Variants in DKK2 observed in about 807,000 individuals in gnomAD.
DKK2 encodes dickkopf Wnt signaling pathway inhibitor 2.
A neutral mutation model predicts 28.1 loss-of-function variants in DKK2; 11 were observed. The observed-to-expected ratio is 0.39, with a 90% CI of 0.25 to 0.65. The LOEUF (loss-of-function observed/expected upper bound fraction) is 0.65. Among genes scored for constraint, DKK2 ranks in the 30% least tolerant of loss-of-function variants. The probability of loss-of-function intolerance (pLI) is 0.47; values close to 1 mark genes in which losing one functional copy is unlikely to be tolerated. For missense variants in DKK2, 326 were observed against 335.5 expected, an observed-to-expected ratio of 0.97 and a Z score of 0.22; for synonymous variants, 135 against 126.5, an observed-to-expected ratio of 1.07 and a Z score of -0.45.
intron 1 of DKK2, among the ~76,000 whole-genome samples, chr4:106,983,337 G>GAAAGAAAGA (rs1723059615): frequency 1.7e-5 from 2 of 120,432 alleles, no homozygotes; most frequent in East Asian, 2.9e-4. Flanking sequence ...AGGAAGAAAG[G>GAAAGAAAGA]AAGAAAGAAA....
At chr4:107,003,348 C>T (rs769388767) in intron 1 of DKK2, among the ~76,000 whole-genome samples, 4 of 152,210 alleles carry the variant, frequency 2.6e-5, no homozygotes, top group Non-Finnish European at 5.9e-5. Context: ...ACCAAGTTTC[C>T]TGTGGCTTTC....
intron 1 of DKK2, among the ~76,000 whole-genome samples, chr4:106,993,727 C>A (rs1242965061): frequency 6.6e-6 from 1 of 151,932 alleles, no homozygotes; most frequent in East Asian, 1.9e-4. Context: ...AGTTTTAATT[C>A]TTAGTTAAAA....
intron 1 of DKK2, among the ~76,000 whole-genome samples, chr4:106,970,278 A>G (rs938202602): frequency 6.6e-6 from 1 of 152,154 alleles, no homozygotes; most frequent in African/African-American, 2.4e-5. Context: ...ATAGATAAGC[A>G]CTGCAGAAAC....
chr4:106,957,071 C>T (rs1301949906), intron 1 of DKK2, among the ~76,000 whole-genome samples: 40 of 151,932 alleles, frequency 2.6e-4, no homozygotes, highest in Non-Finnish European at 5.6e-4. Flanking sequence ...AAACAAACAA[C>T]CCCATCAAAA....
At chr4:107,009,050 A>T (rs1224089676) in intron 1 of DKK2, among the ~76,000 whole-genome samples, 1 of 152,006 alleles carries the variant, frequency 6.6e-6, no homozygotes, top group Non-Finnish European at 1.5e-5. Flanking sequence ...ATGGAAACAA[A>T]CGTGAACATC....
At chr4:106,983,962 C>T (rs4364337) in intron 1 of DKK2, among the ~76,000 whole-genome samples, 7 of 151,970 alleles carry the variant, frequency 4.6e-5, no homozygotes, top group Non-Finnish European at 1.0e-4. Context: ...AGAGAGCCCT[C>T]GGGCTGGTGA....
rs541168976 is a variant in DKK2, at chr4:106,927,216, C to T, written c.223-1267G>A. On this transcript the variant is annotated intron_variant, in intron 1 of 3. Transcript: ENST00000285311. ...ATGAATTAGGTTTGATGGTATAGCT[C>T]GGCCTGCATTGCTCATGTCTTTTTT... Among the ~76,000 whole-genome samples, 30 of 152,122 alleles carry T rather than the reference C, an allele frequency of 2.0e-4. No homozygotes were observed. In the South Asian group the frequency reaches 3.9e-3, roughly 20 times the overall value.
rs1724351328 is a variant in DKK2 at position 106,922,049 on chromosome 4, T to C, written c.*1905A>G. Reference sequence around the variant, plus strand: ...AATATAATAATTGTTATATAGGAAATGTTTGATTGAAATGTTCCATTTTCA... The same window carrying C: ...AATATAATAATTGTTATATAGGAAACGTTTGATTGAAATGTTCCATTTTCA... On this transcript the variant is annotated 3_prime_UTR_variant, in exon 4 of 4. Transcript: ENST00000285311. 6.5e-6 allele frequency: 1 copy of C among 152,706 alleles called. No homozygotes were observed. Among genetic ancestry groups the C allele is most frequent in the African/African-American group, 2.4e-5 (1 of 41,586 alleles). 9.5% of individuals were successfully genotyped at this position (152,706 alleles called of 1,614,324 possible).
At chr4:106,951,527 T>C (rs902033236) in intron 1 of DKK2, among the ~76,000 whole-genome samples, 3 of 152,084 alleles carry the variant, frequency 2.0e-5, no homozygotes, top group Non-Finnish European at 2.9e-5. Context: ...AACCGTGTCA[T>C]TTGCAGTGGA....
intron 1 of DKK2, among the ~76,000 whole-genome samples, chr4:107,001,261 C>T (rs544181298): frequency 6.6e-6 from 1 of 152,218 alleles, no homozygotes; most frequent in East Asian, 1.9e-4. Flanking sequence ...GACCCTTCCC[C>T]AGAGCCTTCA....
Position 106,923,114 on chromosome 4 carries a change from T to C in DKK2, c.*840A>G, listed in dbSNP as rs1724372208. ...GTGAAAATTCTGCTCTGTGTAAGTA[T>C]TTTACTAGTCACAATTTATGGGTAT... On this transcript the variant is annotated 3_prime_UTR_variant, in exon 4 of 4. Transcript: ENST00000285311. 1 of 152,198 alleles carries C rather than the reference T, an allele frequency of 6.6e-6. No individual in the cohort carries two copies. Among genetic ancestry groups the C allele is most frequent in the Non-Finnish European group, 1.5e-5 (1 of 68,034 alleles). 9.4% of individuals were successfully genotyped at this position (152,198 alleles called of 1,614,324 possible). A position where few individuals can be genotyped will look rare whatever the true frequency, so the allele number is the denominator to read the frequency against.
intron 1 of DKK2, among the ~76,000 whole-genome samples, chr4:106,971,657 G>A (rs1464161331): frequency 6.6e-6 from 1 of 152,060 alleles, no homozygotes; most frequent in Non-Finnish European, 1.5e-5. Context: ...ATTTTATAGT[G>A]TTCTTTGATC....
chr4:106,959,967 GA>G (rs1263507221), intron 1 of DKK2, among the ~76,000 whole-genome samples: 1 of 151,800 alleles, frequency 6.6e-6, no homozygotes, highest in Non-Finnish European at 1.5e-5. Flanking sequence ...GTTATGCAAA[GA>G]AAGAAAAACT....
At chr4:106,993,321 T>C (rs1308195191) in intron 1 of DKK2, among the ~76,000 whole-genome samples, 3 of 152,246 alleles carry the variant, frequency 2.0e-5, no homozygotes, top group Non-Finnish European at 4.4e-5. Context: ...GCACATAGCC[T>C]CATGGCTGGT....
At chr4:106,941,334 T>C (rs891704524) in intron 1 of DKK2, among the ~76,000 whole-genome samples, 8 of 152,106 alleles carry the variant, frequency 5.3e-5, no homozygotes, top group African/African-American at 1.9e-4. Flanking sequence ...TGCAACAGGA[T>C]AAGGGACTTT....
intron 1 of DKK2, among the ~76,000 whole-genome samples, chr4:106,944,124 T>C (rs948405124): frequency 6.6e-6 from 1 of 152,110 alleles, no homozygotes; most frequent in Non-Finnish European, 1.5e-5. Flanking sequence ...CTTCAACATC[T>C]TGTTGGTACT....
chr4:106,951,761 T>C (rs1049498094), intron 1 of DKK2, among the ~76,000 whole-genome samples: 13 of 152,152 alleles, frequency 8.5e-5, no homozygotes, highest in African/African-American at 3.1e-4. Context: ...GCAAAAATGT[T>C]AATAGCTCTT....
intron 1 of DKK2, among the ~76,000 whole-genome samples, chr4:107,030,143 T>C (rs1235178367): frequency 1.3e-5 from 2 of 152,094 alleles, no homozygotes; most frequent in African/African-American, 4.8e-5. Flanking sequence ...CTTTCTGCTT[T>C]AAAGTTTTCT....
At chr4:107,028,809 C>T (rs1178732132) in intron 1 of DKK2, among the ~76,000 whole-genome samples, 1 of 152,210 alleles carries the variant, frequency 6.6e-6, no homozygotes, top group African/African-American at 2.4e-5. Context: ...ACAAACAAAG[C>T]CATTGCAGAG....
Sources: allele counts gnomAD v4.1 joint callset (sites outside exome capture counted in the v4.1 genomes callset), GRCh38; gene constraint gnomAD v4.1.1; transcripts MANE v1.5; gene names NCBI Gene and HGNC (gene_info 2026-07-23, HGNC 2026-07-21).